PROZ: variants seen among roughly 807,000 people sequenced by gnomAD.
The protein encoded by PROZ is vitamin K-dependent protein Z.
A neutral mutation model predicts 34.9 loss-of-function variants in PROZ; 46 were observed. The observed-to-expected ratio is 1.32, with a 90% CI of 1.04 to 1.69. The LOEUF (loss-of-function observed/expected upper bound fraction) is 1.69. Ranked by LOEUF, PROZ falls within the 40% of genes most tolerant of loss-of-function variation. PROZ has a pLI of 0.00. For synonymous variants in PROZ, 195 were observed against 208.5 expected (o/e 0.94, Z 0.56); for missense variants, 530 against 520.4 (o/e 1.02, Z -0.18).
chr13:113,160,112 G>A lies in PROZ; in HGVS notation c.169G>A (p.Glu57Lys). The change falls in exon 2 of 8, where the codon GAA (glutamate) becomes AAA (lysine). Residue 57 changes from glutamate (E) to lysine (K), a missense_variant. Glu to Lys is a moderately conservative substitution (Grantham distance 56, BLOSUM62 1). Transcript: ENST00000375547. The part of the protein sequence containing the change: ...EELFEGNLEK[E>K]CYEEICVYEE... ...ACTCTTCGAGGGAAACTTGGAAAAAGAATGTTATGAAGAAATCTGTGTCTA... is the reference window on the plus strand; with the variant it reads ...ACTCTTCGAGGGAAACTTGGAAAAAAAATGTTATGAAGAAATCTGTGTCTA... The A allele has an allele frequency of 1.9e-6, 3 of 1,614,182 alleles. No individual in the cohort carries two copies. The highest frequency in any genetic ancestry group is 2.5e-6 in the Non-Finnish European group (3 of 1,180,038).
chr13:113,163,152 G>A (rs1245896830), intron 4 of PROZ, 30 bp downstream of exon 4: 1 of 1,499,686 alleles, frequency 6.7e-7, no homozygotes, highest in Admixed American at 2.0e-5. Flanking sequence ...CTTCCCCCAA[G>A]GGCCTCCCTG....
In PROZ at chr13:113,164,286, G is replaced by A. The variant is rs528090270; in HGVS notation, c.374-227G>A. On this transcript the variant is annotated intron_variant, in intron 4 of 7. Coordinates refer to ENST00000375547, the MANE Select transcript of PROZ (RefSeq NM_003891.3). Reference sequence around the variant, plus strand: ...AGCCACCGCGCCCGGCCTCACTCACGGAGTCTTTGTTCTACATGCACATTC... The same window carrying A: ...AGCCACCGCGCCCGGCCTCACTCACAGAGTCTTTGTTCTACATGCACATTC... Among the ~76,000 whole-genome samples the A allele has an allele frequency of 1.6e-4, 24 of 152,078 alleles. No homozygotes were observed. The South Asian group carries it at 4.1e-3, about 26-fold the overall frequency.
chr13:113,160,806 G>C, intron 2 of PROZ, 142 bp from the exon 3 acceptor site: 2 of 724,606 alleles, frequency 2.8e-6, no homozygotes, highest in South Asian at 3.3e-5. Context: ...CTGTAAAACA[G>C]GAAAATTGTG....
chr13:113,171,893 C>A lies in PROZ; in HGVS notation c.991C>A (p.Leu331Met). ...GGAGGGGGAGGAGTGCGGGCAGGTC[C>A]TGAATGTGACTGTCACCACCAGGAC... ...LVEGEECGQV[L>M]NVTVTTRTYC... The change falls in exon 8 of 8, where the codon CTG becomes ATG. Residue 331 changes from leucine to methionine, a missense_variant. Transcript: ENST00000375547. The surrounding 1 kb of genome is among the most constrained non-coding windows in gnomAD (Gnocchi z 5.1). 1 of 1,613,740 alleles carries A rather than the reference C, an allele frequency of 6.2e-7. No individual in the cohort carries two copies. The highest frequency in any genetic ancestry group is 8.5e-7 in the Non-Finnish European group (1 of 1,180,044).
chr13:113,170,311 G>A (rs2037072801), intron 6 of PROZ, 102 bp from the exon 7 acceptor site: 2 of 706,050 alleles, frequency 2.8e-6, no homozygotes, highest in Admixed American at 4.0e-5. Context: ...GGGGGTGGGG[G>A]TGGGGGTGGG....
Position 113,159,789 on chromosome 13 carries a change from A to T in PROZ, c.71-225A>T, listed in dbSNP as rs1017329986. Among the ~76,000 whole-genome samples, 3 of 152,062 alleles carry T rather than the reference A, an allele frequency of 2.0e-5. No homozygotes were observed. The highest frequency in any genetic ancestry group is 7.3e-5 in the African/African-American group (3 of 41,370). ...GCCCGTGGCCTCTCTGCAGAACCTT[A>T]GTGTATCCGCACTGATCCTGGGGCT... On this transcript the variant is annotated intron_variant, in intron 1 of 7. Coordinates refer to ENST00000375547, the MANE Select transcript of PROZ (RefSeq NM_003891.3). This position sits in a 1 kb window ranked among gnomAD's most constrained non-coding sequence, Gnocchi z 4.6.
rs764749239 is a variant in PROZ, at chr13:113,171,937, C to T, written c.1035C>T (p.Ser345=). The change falls in exon 8 of 8, where the codon AGC becomes AGT. Residue 345 remains serine (S), a synonymous_variant. Coordinates refer to ENST00000375547, the MANE Select transcript of PROZ (RefSeq NM_003891.3). The surrounding 1 kb of genome is among the most constrained non-coding windows in gnomAD (Gnocchi z 5.1). ...CCAGGACCTACTGTGAGAGAAGCAG[C>T]GTGGCGGCCATGCACTGGATGGATG... ...VTTRTYCERS[S]VAAMHWMDGS... is the part of the protein sequence containing the mutation. 1.5e-5 allele frequency: 24 copies of T among 1,613,570 alleles called. No individual in the cohort carries two copies. Among genetic ancestry groups the T allele is most frequent in the Middle Eastern group, 1.6e-4 (1 of 6,084 alleles).
rs893736174 is a variant in PROZ at position 113,158,783 on chromosome 13, C to T, written c.70+53C>T. 28 of 1,517,884 alleles carry T rather than the reference C, an allele frequency of 1.8e-5. No individual in the cohort carries two copies. Among genetic ancestry groups the T allele is most frequent in the Non-Finnish European group, 2.4e-5 (27 of 1,116,358 alleles). 94.0% of individuals were successfully genotyped at this position (1,517,884 alleles called of 1,614,324 possible). ...TGCCTGTGCTGTGTCTTTCTTGACT[C>T]GGTCCATGGTGGATTTGTAGATGAG... On this transcript the variant is annotated intron_variant, in intron 1 of 7. Transcript: ENST00000375547. This position sits in a 1 kb window ranked among gnomAD's most constrained non-coding sequence, Gnocchi z 4.3.
Position 113,164,577 on chromosome 13 carries a change from A to C in PROZ, c.438A>C (p.Glu146Asp). ...AACACTTCTGCCTCCCAGGACAGGA[A>C]TCCTACACATGCAGCTGTGCTCAGG... ...GCQHFCLPGQ[E>D]SYTCSCAQGY... Residue 146 changes from glutamate (E) to aspartate (D), a missense_variant, in exon 5 of 8, where the codon GAA becomes GAC. Coordinates refer to ENST00000375547, the MANE Select transcript of PROZ (RefSeq NM_003891.3). 1.2e-6 allele frequency: 2 copies of C among 1,614,034 alleles called. No individual in the cohort carries two copies. The highest frequency in any genetic ancestry group is 1.7e-6 in the Non-Finnish European group (2 of 1,180,024).
intron 6 of PROZ, among the ~76,000 whole-genome samples, chr13:113,165,723 G>A (rs1367830375): frequency 2.0e-5 from 3 of 152,112 alleles, no homozygotes; most frequent in African/African-American, 2.4e-5. Context: ...TAGAGACGGG[G>A]TTTCACCATG....
chr13:113,171,903 C>T lies in PROZ; in HGVS notation c.1001C>T (p.Thr334Ile). The change falls in exon 8 of 8, where the codon ACT becomes ATT. Residue 334 changes from threonine to isoleucine, a missense_variant. Coordinates refer to ENST00000375547, the MANE Select transcript of PROZ (RefSeq NM_003891.3). This position sits in a 1 kb window ranked among gnomAD's most constrained non-coding sequence, Gnocchi z 5.1. ...GEECGQVLNV[T>I]VTTRTYCERS... ...GAGTGCGGGCAGGTCCTGAATGTGA[C>T]TGTCACCACCAGGACCTACTGTGAG... 1 of 1,613,790 alleles carries T rather than the reference C, an allele frequency of 6.2e-7. No homozygotes were observed. Among genetic ancestry groups the T allele is most frequent in the African/African-American group, 1.3e-5 (1 of 75,060 alleles).
At position 113,172,229 on chromosome 13, in the gene PROZ, C is replaced by T. The variant is rs578094327; in HGVS notation, c.*124C>T. 1.7e-5 allele frequency: 24 copies of T among 1,373,900 alleles called. No individual in the cohort carries two copies. The highest frequency in any genetic ancestry group is 2.5e-4 in the Middle Eastern group (1 of 4,050). The allele number at this position is 1,373,900 out of a possible 1,614,324, so 85.1% of individuals were successfully genotyped here. On this transcript the variant is annotated 3_prime_UTR_variant, in exon 8 of 8. Transcript: ENST00000375547. ...GAGGCCGTCACAGCCCCAGACCACC[C>T]GCTTGGCCCACGCAGCAGCAGAGCC...
At position 113,170,497 on chromosome 13, in the gene PROZ, T is replaced by C; in HGVS notation, c.658T>C (p.Ser220Pro). 6.2e-7 allele frequency: 1 copy of C among 1,600,058 alleles called. No individual in the cohort carries two copies. The highest frequency in any genetic ancestry group is 8.6e-7 in the Non-Finnish European group (1 of 1,167,302). The change falls in exon 7 of 8, where the codon TCA (serine) becomes CCA (proline). Residue 220 changes from serine (S) to proline (P), a missense_variant. Transcript: ENST00000375547. The stretch of plus-strand genomic sequence containing the variant: ...TTTTGTACTGACAACAGCAAAATGT[T>C]CACTGTTACACAGGAATATTACTGT... ...ENFVLTTAKC[S>P]LLHRNITVKT...
At chr13:113,170,947 G>C (rs1016963435) in intron 7 of PROZ, among the ~76,000 whole-genome samples, 2 of 150,690 alleles carry the variant, frequency 1.3e-5, no homozygotes, top group Admixed American at 6.6e-5. Flanking sequence ...TTTTGAGACA[G>C]AGTCTCACTC....
rs2037102425 is a variant in PROZ at position 113,171,267 on chromosome 13, C to A, written c.692-327C>A. Among the ~76,000 whole-genome samples, 1 of 152,230 alleles carries A rather than the reference C, an allele frequency of 6.6e-6. No homozygotes were observed. Among genetic ancestry groups the A allele is most frequent in the Non-Finnish European group, 1.5e-5 (1 of 68,046 alleles). On this transcript the variant is annotated intron_variant, in intron 7 of 7. Coordinates refer to ENST00000375547, the MANE Select transcript of PROZ (RefSeq NM_003891.3). This position sits in a 1 kb window ranked among gnomAD's most constrained non-coding sequence, Gnocchi z 5.1. ...ACAAAATAACGTGAAAACCACTTCT[C>A]AACAGCCAATGTTTGACTGGCCTGG...
intron 3 of PROZ, 126 bp from the exon 4 acceptor site, chr13:113,162,883 C>T (rs1398763753): frequency 1.5e-6 from 1 of 685,350 alleles, no homozygotes; most frequent in Non-Finnish European, 2.6e-6. Context: ...GTCCCCGTCC[C>T]TGCTGCCACC....
Position 113,159,908 on chromosome 13 carries a change from G to C in PROZ, c.71-106G>C. On this transcript the variant is annotated intron_variant, in intron 1 of 7. Transcript: ENST00000375547. The surrounding 1 kb of genome is among the most constrained non-coding windows in gnomAD (Gnocchi z 4.6). ...CCCTCGCAGGCTGAGAGCCTGTGGA[G>C]ACGGACGGGGCTGGGGCTGGCGGCC... 7.2e-7 allele frequency: 1 copy of C among 1,383,094 alleles called. No individual in the cohort carries two copies. The highest frequency in any genetic ancestry group is 1.0e-6 in the Non-Finnish European group (1 of 973,518). 85.7% of individuals were successfully genotyped at this position (1,383,094 alleles called of 1,614,324 possible). A position where few individuals can be genotyped will look rare whatever the true frequency, so the allele number is the denominator to read the frequency against.
intron 5 of PROZ, 38 bp from the exon 6 acceptor site, chr13:113,165,015 C>A: frequency 6.3e-7 from 1 of 1,597,870 alleles, no homozygotes; most frequent in Non-Finnish European, 8.6e-7. Flanking sequence ...GCTGAGAAGG[C>A]GCTGATTTTT....
intron 3 of PROZ, 118 bp from the exon 4 acceptor site, chr13:113,162,891 A>ACCCCCCCCCC: frequency 1.8e-5 from 5 of 284,628 alleles, no homozygotes; most frequent in South Asian, 5.0e-5. Flanking sequence ...CCCTGCTGCC[A>ACCCCCCCCCC]CCCCCCACTC....
Sources: gnomAD v4.1 joint callset for allele counts (sites outside exome capture counted in the v4.1 genomes callset) on GRCh38, gnomAD v4.1.1 for gene constraint, Gnocchi (gnomAD v3.1) non-coding constraint, MANE v1.5 for transcripts, NCBI Gene and HGNC (gene_info 2026-07-23, HGNC 2026-07-21) for gene names.